The following HEG1 variants were observed in gnomAD, a reference collection of about 807,000 sequenced individuals.
HEG1 encodes the protein heart development protein with EGF like domains 1.
In HEG1, 56 loss-of-function variants were observed where a neutral mutation model predicts 125.6. The ratio of observed to expected loss-of-function variants is 0.45; its 90% confidence interval spans 0.36 to 0.56. HEG1 has a LOEUF of 0.56. Among genes scored for constraint, HEG1 ranks in the 20% least tolerant of loss-of-function variants. HEG1 has a pLI of 0.00. For synonymous variants in HEG1, 644 were observed against 668.5 expected (o/e 0.96, Z 0.57); for missense variants, 1,523 against 1,670.0 (o/e 0.91, Z 1.53).
At chr3:124,977,588 T>A (rs1350370793) in intron 15 of HEG1, among the ~76,000 whole-genome samples, 3 of 152,230 alleles carry the variant, frequency 2.0e-5, no homozygotes, top group Non-Finnish European at 4.4e-5. Flanking sequence ...TTAATTCTGA[T>A]GAAGCCCAGT....
At chr3:125,006,995 C>G (rs574898164) in intron 8 of HEG1, among the ~76,000 whole-genome samples, 5 of 151,720 alleles carry the variant, frequency 3.3e-5, no homozygotes, top group Admixed American at 1.3e-4. Context: ...GTCAGGAGAT[C>G]GAGACCATCC....
chr3:125,036,022 C>T (rs1452136020), intron 1 of HEG1, among the ~76,000 whole-genome samples: 1 of 151,028 alleles, frequency 6.6e-6, no homozygotes, highest in East Asian at 1.9e-4. Context: ...CCAGCCTGGG[C>T]CTCAAGTAGA....
chr3:124,974,486 G>A (rs985923382), intron 15 of HEG1, among the ~76,000 whole-genome samples: 9 of 152,074 alleles, frequency 5.9e-5, no homozygotes, highest in African/African-American at 1.2e-4. Flanking sequence ...CCAACTCTCC[G>A]GGCAGTGCTC....
intron 8 of HEG1, 99 bp downstream of exon 8, chr3:125,009,606 G>T: frequency 7.9e-7 from 1 of 1,269,714 alleles, no homozygotes; most frequent in Non-Finnish European, 1.1e-6. Context: ...TTATACCTTG[G>T]ACAAATACTG....
intron 9 of HEG1, among the ~76,000 whole-genome samples, chr3:125,002,780 A>G (rs151167753): frequency 1.7e-4 from 26 of 152,226 alleles, no homozygotes; most frequent in African/African-American, 5.1e-4. Flanking sequence ...GTCTTCTTCA[A>G]AAAGGCTCTC....
Position 125,013,992 on chromosome 3 carries a change from T to C in HEG1, c.1589-2A>G. On this transcript the variant is annotated splice_acceptor_variant, in intron 5 of 16. Transcript: ENST00000311127. LOFTEE classifies it high-confidence loss of function. The stretch of plus-strand genomic sequence containing the variant: ...CTTGACCGTAGCTAATCCCAGCGAC[T>C]GTAAACGGAAAAGCCAAAGTTAGGT... 3.8e-6 allele frequency: 6 copies of C among 1,590,606 alleles called. No homozygotes were observed. The highest frequency in any genetic ancestry group is 5.1e-6 in the Non-Finnish European group (6 of 1,170,910).
intron 1 of HEG1, among the ~76,000 whole-genome samples, chr3:125,036,625 C>G (rs1183515670): frequency 1.3e-5 from 2 of 152,130 alleles, no homozygotes; most frequent in East Asian, 3.8e-4. Context: ...TTTTTCAAAT[C>G]CCTAAGATGT....
At chr3:124,993,007 A>G (rs2107692645) in intron 12 of HEG1, among the ~76,000 whole-genome samples, 1 of 152,282 alleles carries the variant, frequency 6.6e-6, no homozygotes, top group South Asian at 2.1e-4. Context: ...CCACTCAGTA[A>G]CCTCTTGACG....
intron 16 of HEG1, among the ~76,000 whole-genome samples, chr3:124,971,446 T>C (rs2107685028): frequency 7.7e-6 from 1 of 130,044 alleles, no homozygotes; most frequent in African/African-American, 3.2e-5. Flanking sequence ...CTTTCTTTCT[T>C]TTTCTTTTTT....
rs1287770312 is a variant in HEG1 at position 125,029,187 on chromosome 3, A to G, written c.610+8T>C. ...TGCGTGAAATGCGCATCATCAGCACAAGCTCACCTAAGTTGCCACTCTGGG... is the reference window on the plus strand; with the variant it reads ...TGCGTGAAATGCGCATCATCAGCACGAGCTCACCTAAGTTGCCACTCTGGG... On this transcript the variant is annotated splice_region_variant and intron_variant, in intron 2 of 16. Coordinates refer to ENST00000311127, the MANE Select transcript of HEG1 (RefSeq NM_020733.2). 1.2e-6 allele frequency: 2 copies of G among 1,609,270 alleles called. No individual in the cohort carries two copies. Among genetic ancestry groups the G allele is most frequent in the Admixed American group, 3.4e-5 (2 of 59,548 alleles).
rs1401588358 is a variant in HEG1, at chr3:124,966,970, A to T, written c.*3682T>A. Reference sequence around the variant, plus strand: ...GTAGCCATCCAGCCTAGGAGTCCAAAGATGCTGCCTTCTCCCTTGGGCCCA... The same window carrying T: ...GTAGCCATCCAGCCTAGGAGTCCAATGATGCTGCCTTCTCCCTTGGGCCCA... On this transcript the variant is annotated 3_prime_UTR_variant, in exon 17 of 17. Coordinates refer to ENST00000311127, the MANE Select transcript of HEG1 (RefSeq NM_020733.2). 1 of 152,204 alleles carries T rather than the reference A, an allele frequency of 6.6e-6. No homozygotes were observed. The highest frequency in any genetic ancestry group is 2.1e-4 in the South Asian group (1 of 4,830). 9.4% of individuals were successfully genotyped at this position (152,204 alleles called of 1,614,324 possible). A position where few individuals can be genotyped will look rare whatever the true frequency, so the allele number is the denominator to read the frequency against.
At chr3:125,023,474 C>T (rs1417125235) in intron 3 of HEG1, among the ~76,000 whole-genome samples, 1 of 152,104 alleles carries the variant, frequency 6.6e-6, no homozygotes, top group African/African-American at 2.4e-5. Context: ...ATTTACTGAC[C>T]AATTATGACT....
intron 9 of HEG1, among the ~76,000 whole-genome samples, chr3:125,003,099 G>A (rs1937022499): frequency 6.6e-6 from 1 of 152,138 alleles, no homozygotes; most frequent in African/African-American, 2.4e-5. Context: ...TGACATCAGT[G>A]TATAGCCTAA....
At chr3:124,977,434 G>C (rs1039683295) in intron 15 of HEG1, among the ~76,000 whole-genome samples, 2 of 152,174 alleles carry the variant, frequency 1.3e-5, no homozygotes, top group Non-Finnish European at 2.9e-5. Context: ...TTAGGTTGTT[G>C]AGTTGTAAGA....
chr3:125,055,795 G>A lies in HEG1; in HGVS notation c.96C>T (p.Asp32=). The change falls in exon 1 of 17, where the codon GAC becomes GAT. Residue 32 remains aspartate, a synonymous_variant. Coordinates refer to ENST00000311127, the MANE Select transcript of HEG1 (RefSeq NM_020733.2). Reference sequence around the variant, plus strand: ...CGCGGCGAGCCGGGGAAGGCGGCGGGTCCCGCGTCCCGGGGGCCGCCGGCG... The same window carrying A: ...CGCGGCGAGCCGGGGAAGGCGGCGGATCCCGCGTCCCGGGGGCCGCCGGCG... ...LLPPAAPGTR[D]PPPSPARRAL... The A allele has an allele frequency of 6.1e-6, 6 of 987,234 alleles. No homozygotes were observed. Among genetic ancestry groups the A allele is most frequent in the Non-Finnish European group, 7.2e-6 (6 of 831,454 alleles). 61.2% of individuals were successfully genotyped at this position (987,234 alleles called of 1,614,324 possible).
Position 124,970,641 on chromosome 3 carries a change from C to T in HEG1, c.*11G>A. ...CTGGCTCAGAGCAATGAGTCCCTCT[C>T]TCTCCTGGACTTAAAAGTAGTCTCT... On this transcript the variant is annotated 3_prime_UTR_variant, in exon 17 of 17. Transcript: ENST00000311127. 1 of 1,589,062 alleles carries T rather than the reference C, an allele frequency of 6.3e-7. No individual in the cohort carries two copies. Among genetic ancestry groups the T allele is most frequent in the Non-Finnish European group, 8.6e-7 (1 of 1,167,018 alleles).
rs1399100720 is a variant in HEG1 at position 125,001,949 on chromosome 3, T to C, written c.3420A>G (p.Leu1140=). The C allele has an allele frequency of 1.4e-5, 23 of 1,613,980 alleles. No individual in the cohort carries two copies. The highest frequency in any genetic ancestry group is 1.6e-4 in the Middle Eastern group (1 of 6,062). ...TCTGCATCCTATCAGCCAGGTCAAA[T>C]AGCGTCACATTGGAGGCCAGGGAAA... ...TTFSLASNVT[L]FDLADRMQKC... is the part of the protein sequence containing the mutation. Residue 1140 remains leucine (L), a synonymous_variant, in exon 11 of 17, where the codon CTA becomes CTG. Coordinates refer to ENST00000311127, the MANE Select transcript of HEG1 (RefSeq NM_020733.2).
chr3:125,043,749 T>A (rs946341073), intron 1 of HEG1, among the ~76,000 whole-genome samples: 3 of 152,128 alleles, frequency 2.0e-5, no homozygotes, highest in African/African-American at 7.2e-5. Context: ...TCCTGTGTTG[T>A]CACCGTCACA....
At chr3:124,978,033 C>T (rs1936577352) in intron 14 of HEG1, 87 bp from the exon 15 acceptor site, 6 of 957,856 alleles carry the variant, frequency 6.3e-6, no homozygotes, top group Non-Finnish European at 9.5e-6. Flanking sequence ...CCTGACTCTA[C>T]AGTCACCACC....
Sources: gnomAD v4.1 joint callset for allele counts (sites outside exome capture counted in the v4.1 genomes callset) on GRCh38, gnomAD v4.1.1 for gene constraint, MANE v1.5 for transcripts, NCBI Gene and HGNC (gene_info 2026-07-23, HGNC 2026-07-21) for gene names.